The following CDYL variants were observed in gnomAD, a reference collection of about 807,000 sequenced individuals.
CDYL encodes chromodomain Y-like protein.
In CDYL, 8 loss-of-function variants were observed where a neutral mutation model predicts 47.3. The ratio of observed to expected loss-of-function variants is 0.17; its 90% CI spans 0.10 to 0.31. The LOEUF (loss-of-function observed/expected upper bound fraction) is 0.31. Among genes scored for constraint, CDYL ranks in the 10% least tolerant of loss-of-function variants. The pLI is 1.00. For synonymous variants in CDYL, 266 were observed against 265.0 expected (o/e 1.00, Z -0.04); for missense variants, 471 against 701.4 (o/e 0.67, Z 3.71).
At chr6:4,862,028 C>T (rs532631807) in intron 1 of CDYL, among the ~76,000 whole-genome samples, 203 of 152,256 alleles carry the variant, frequency 1.3e-3, no homozygotes, top group African/African-American at 4.0e-3. Flanking sequence ...GCCTCCTCCC[C>T]GACCCCTACT....
At chr6:4,813,715 T>G (rs1759590854) in intron 1 of CDYL, among the ~76,000 whole-genome samples, 1 of 152,224 alleles carries the variant, frequency 6.6e-6, no homozygotes. Flanking sequence ...TGGTGGAATT[T>G]GCCTCAAGTT....
chr6:4,776,854 C>CT, intron 1 of CDYL, 47 bp downstream of exon 1: 1 of 765,656 alleles, frequency 1.3e-6, no homozygotes, highest in Non-Finnish European at 1.6e-6. Flanking sequence ...CCCGCCGCCC[C>CT]TCCCGGCCCG....
At chr6:4,735,886 T>C (rs1253912396) in intron 3 of CDYL, among the ~76,000 whole-genome samples, 2 of 138,604 alleles carry the variant, frequency 1.4e-5, no homozygotes, top group Middle Eastern at 3.4e-3. Context: ...TCTGTATTTA[T>C]GTGCATGTGT....
At chr6:4,750,890 T>C (rs1285474228) in intron 3 of CDYL, among the ~76,000 whole-genome samples, 6 of 151,342 alleles carry the variant, frequency 4.0e-5, no homozygotes, top group Non-Finnish European at 7.4e-5. Flanking sequence ...TCTTGCTCTG[T>C]CACCTAGGCT....
At chr6:4,793,316 C>T (rs989176833) in intron 1 of CDYL, among the ~76,000 whole-genome samples, 2 of 152,106 alleles carry the variant, frequency 1.3e-5, no homozygotes, top group Admixed American at 6.5e-5. Context: ...CTAGTGGTGG[C>T]AACAGTCTAG....
chr6:4,855,366 CT>C (rs1361073185), intron 1 of CDYL, among the ~76,000 whole-genome samples: 15 of 152,308 alleles, frequency 9.8e-5, no homozygotes, highest in African/African-American at 3.4e-4. Flanking sequence ...TCAGAGCTCA[CT>C]GCAGCCTCGA....
At chr6:4,770,944 C>G (rs1758328791) in intron 3 of CDYL, among the ~76,000 whole-genome samples, 2 of 152,106 alleles carry the variant, frequency 1.3e-5, no homozygotes, top group African/African-American at 4.8e-5. Context: ...ACTTAGTACA[C>G]AATAATATAT....
chr6:4,855,805 C>T (rs1760990745), intron 1 of CDYL, among the ~76,000 whole-genome samples: 1 of 152,166 alleles, frequency 6.6e-6, no homozygotes, highest in Non-Finnish European at 1.5e-5. Context: ...TTATGACACA[C>T]TAAGGGGTCT....
chr6:4,855,492 G>A (rs808614), intron 1 of CDYL, among the ~76,000 whole-genome samples: 3,491 of 152,178 alleles, frequency 0.023, 134 homozygotes, highest in African/African-American at 0.079. Flanking sequence ...TAAGCCCAGG[G>A]TCCCTTCTGG....
intron 1 of CDYL, among the ~76,000 whole-genome samples, chr6:4,827,102 A>G (rs1406731444): frequency 6.6e-6 from 1 of 152,164 alleles, no homozygotes; most frequent in Non-Finnish European, 1.5e-5. Flanking sequence ...TTTGTCTGAT[A>G]TTAGTGTAGC....
At chr6:4,902,324 T>A (rs1757089663) in intron 2 of CDYL, among the ~76,000 whole-genome samples, 1 of 150,890 alleles carries the variant, frequency 6.6e-6, no homozygotes, top group Non-Finnish European at 1.5e-5. Flanking sequence ...GAGAATCGCT[T>A]GAACCCGGGA....
chr6:4,860,404 T>C (rs1761130459), intron 1 of CDYL, among the ~76,000 whole-genome samples: 1 of 151,604 alleles, frequency 6.6e-6, no homozygotes, highest in Non-Finnish European at 1.5e-5. Flanking sequence ...TAGTGTAGCA[T>C]GCAGGTGCTA....
chr6:4,836,881 C>T (rs968800224), intron 1 of CDYL, among the ~76,000 whole-genome samples: 1 of 152,070 alleles, frequency 6.6e-6, no homozygotes, highest in African/African-American at 2.4e-5. Context: ...ATTGGGGATA[C>T]AGAAGTTTGA....
chr6:4,838,377 C>G (rs1292102967), intron 1 of CDYL, among the ~76,000 whole-genome samples: 1 of 151,992 alleles, frequency 6.6e-6, no homozygotes, highest in Non-Finnish European at 1.5e-5. Context: ...AGCTTAGCTC[C>G]CAGTTATGAG....
chr6:4,940,949 C>G (rs934070106), intron 4 of CDYL, among the ~76,000 whole-genome samples: 1 of 152,252 alleles, frequency 6.6e-6, no homozygotes, highest in African/African-American at 2.4e-5. Context: ...CAGGTCCCTG[C>G]TGCCTCCTTC....
chr6:4,937,322 C>G lies in CDYL; in HGVS notation c.949-243C>G, dbSNP rs146424716. Among the ~76,000 whole-genome samples, 11 of 151,496 alleles carry G rather than the reference C, an allele frequency of 7.3e-5. No homozygotes were observed. In the East Asian group the frequency reaches 1.9e-3, roughly 27 times the overall value. On this transcript the variant is annotated intron_variant, in intron 3 of 6. Coordinates refer to ENST00000397588, the MANE Select transcript of CDYL (RefSeq NM_004824.4). ...CACCCTAGACAACATAGCAAAACTC[C>G]ATCTCTTACAAAAAGGTTGAAAAAT...
chr6:4,738,783 G>A (rs1757746445), intron 3 of CDYL, among the ~76,000 whole-genome samples: 1 of 152,346 alleles, frequency 6.6e-6, no homozygotes, highest in South Asian at 2.1e-4. Flanking sequence ...GTGTGTAGAA[G>A]AATGGATAAA....
intron 1 of CDYL, chr6:4,715,680 G>C: frequency 6.8e-7 from 1 of 1,475,860 alleles, no homozygotes; most frequent in South Asian, 1.4e-5. Flanking sequence ...TAAATGCCAT[G>C]AGCCTTGGGT....
intron 1 of CDYL, among the ~76,000 whole-genome samples, chr6:4,875,348 T>C (rs1456859746): frequency 1.3e-5 from 2 of 152,208 alleles, no homozygotes; most frequent in African/African-American, 4.8e-5. Flanking sequence ...TCAGTTTCCA[T>C]GAAAAAGCCT....
Sources: gnomAD v4.1 joint callset for allele counts (sites outside exome capture counted in the v4.1 genomes callset) on GRCh38, gnomAD v4.1.1 for gene constraint, MANE v1.5 for transcripts, NCBI Gene and HGNC (gene_info 2026-07-23, HGNC 2026-07-21) for gene names.